Variants in DSG2 observed in about 807,000 individuals in gnomAD.
DSG2 encodes the protein desmoglein-2.
DSG2 carries 45 observed loss-of-function variants against 75.6 expected under a neutral mutation model. That is an observed-to-expected ratio of 0.60 (90% CI 0.47 to 0.76). DSG2 has a LOEUF of 0.76. Ranked by LOEUF, DSG2 falls within the 30% of genes least tolerant of loss-of-function variation. The pLI is 0.00. For missense variants in DSG2, 1,267 were observed against 1,357.4 expected, an observed-to-expected ratio of 0.93 and a Z score of 1.05; for synonymous variants, 429 against 483.9, an observed-to-expected ratio of 0.89 and a Z score of 1.49.
In DSG2 at chr18:31,546,487, C is replaced by G; in HGVS notation, c.3101C>G (p.Ala1034Gly). Residue 1034 changes from alanine (A) to glycine (G), a missense_variant, in exon 15 of 15, where the codon GCC (alanine) becomes GGC (glycine). Physicochemically the swap from Ala to Gly is moderately conservative, Grantham distance 60. Transcript: ENST00000261590. ...AGCTCAGGTGTGCAGCCTACTCTGG[C>G]CATGCCTAATATAGCAGTAGGACAG... ...APSSGVQPTL[A>G]MPNIAVGQNV... 2 of 1,614,112 alleles carry G rather than the reference C, an allele frequency of 1.2e-6. No individual in the cohort carries two copies. Among genetic ancestry groups the G allele is most frequent in the Non-Finnish European group, 1.7e-6 (2 of 1,180,000 alleles).
chr18:31,535,483 T>C (rs997841901), intron 10 of DSG2, 71 bp downstream of exon 10: 30 of 1,357,104 alleles, frequency 2.2e-5, no homozygotes, highest in Non-Finnish European at 3.1e-5. Flanking sequence ...TCAGAAACCA[T>C]TGATTTGATT....
intron 13 of DSG2, chr18:31,542,138 T>A (rs887681980): frequency 3.3e-6 from 1 of 306,878 alleles, no homozygotes; most frequent in Non-Finnish European, 6.2e-6. Context: ...CCTAGTGGCA[T>A]CAGAGGCTTA....
rs2073135114 is a variant in DSG2 at position 31,522,543 on chromosome 18, G to A, written c.690+294G>A. 5 of 233,966 alleles carry A rather than the reference G, an allele frequency of 2.1e-5. No individual in the cohort carries two copies. The South Asian group carries it at 4.2e-4, about 19-fold the overall frequency. The allele number at this position is 233,966 out of a possible 1,614,324, so 14.5% of individuals were successfully genotyped here. On this transcript the variant is annotated intron_variant, in intron 6 of 14. Transcript: ENST00000261590. The stretch of plus-strand genomic sequence containing the variant: ...GCAAAATATGACCTTAATGTTTTTT[G>A]TGATCATTGCATGTTAAAATAATAT...
chr18:31,515,166 G>A (rs1054555827), intron 1 of DSG2, among the ~76,000 whole-genome samples: 4 of 152,028 alleles, frequency 2.6e-5, no homozygotes, highest in South Asian at 2.1e-4. Context: ...GCAGTGGCGC[G>A]ATCTCGGCCG....
chr18:31,501,376 G>A (rs559186596), intron 1 of DSG2, among the ~76,000 whole-genome samples: 1 of 152,290 alleles, frequency 6.6e-6, no homozygotes, highest in African/African-American at 2.4e-5. Flanking sequence ...CACACTGTGA[G>A]CAGATATATT....
At chr18:31,535,188 G>A in intron 9 of DSG2, 82 bp from the exon 10 acceptor site, 1 of 975,908 alleles carries the variant, frequency 1.0e-6, no homozygotes, top group Non-Finnish European at 1.6e-6. Flanking sequence ...GAGAAGAAAA[G>A]TAAGCTTGAA....
intron 1 of DSG2, among the ~76,000 whole-genome samples, chr18:31,509,576 G>A (rs527864896): frequency 1.3e-5 from 2 of 152,220 alleles, no homozygotes; most frequent in South Asian, 4.2e-4. Context: ...AGTTATGCTG[G>A]TTAGCCGTAA....
intron 13 of DSG2, 177 bp from the exon 14 acceptor site, chr18:31,542,343 G>T (rs2073273377): frequency 1.5e-6 from 1 of 680,474 alleles, no homozygotes; most frequent in Non-Finnish European, 2.6e-6. Flanking sequence ...GAAGAGAGAA[G>T]AAAGGAGATC....
At chr18:31,505,845 A>G (rs1488313314) in intron 1 of DSG2, among the ~76,000 whole-genome samples, 1 of 151,972 alleles carries the variant, frequency 6.6e-6, no homozygotes, top group Non-Finnish European at 1.5e-5. Flanking sequence ...TATTTTTAGT[A>G]GAGACAGAGT....
chr18:31,507,758 C>G (rs567129477), intron 1 of DSG2, among the ~76,000 whole-genome samples: 1 of 152,156 alleles, frequency 6.6e-6, no homozygotes, highest in Non-Finnish European at 1.5e-5. Context: ...CCTTCACCCA[C>G]CTTTTGATAG....
At chr18:31,528,078 G>A (rs947163373) in intron 8 of DSG2, among the ~76,000 whole-genome samples, 2 of 152,118 alleles carry the variant, frequency 1.3e-5, no homozygotes, top group African/African-American at 4.8e-5. Context: ...CCAATTATTG[G>A]CAAAAATATA....
At chr18:31,537,232 G>A (rs930937553) in intron 11 of DSG2, among the ~76,000 whole-genome samples, 2 of 151,998 alleles carry the variant, frequency 1.3e-5, no homozygotes, top group African/African-American at 4.8e-5. Context: ...ATAATGTTTA[G>A]TCCAATTAAC....
rs1425119878 is a variant in DSG2 at position 31,546,752 on chromosome 18, C to T, written c.*9C>T. 8.1e-6 allele frequency: 13 copies of T among 1,613,004 alleles called. No homozygotes were observed. In the East Asian group the frequency reaches 1.1e-4, roughly 14 times the overall value. On this transcript the variant is annotated 3_prime_UTR_variant, in exon 15 of 15. Transcript: ENST00000261590. ...AGCATTCTTACTCCTAAACAGCAGTCAGCCACAAACTGACCCAGAGTTTAA... is the reference window on the plus strand; with the variant it reads ...AGCATTCTTACTCCTAAACAGCAGTTAGCCACAAACTGACCCAGAGTTTAA...
chr18:31,518,632 A>G (rs1304045452), intron 2 of DSG2, among the ~76,000 whole-genome samples: 1 of 152,224 alleles, frequency 6.6e-6, no homozygotes, highest in African/African-American at 2.4e-5. Flanking sequence ...ATGAAAAATC[A>G]TAAAAGATAT....
rs755433039 is a variant in DSG2 at position 31,520,889 on chromosome 18, A to G, written c.303A>G (p.Ile101Met). ...GKGITEPPFG[I>M]FVFNKDTGEL... ...GGATTACAGAGCCACCTTTTGGTAT[A>G]TTTGTCTTTAACAAAGATACTGGAG... Residue 101 changes from isoleucine (I) to methionine (M), a missense_variant, in exon 4 of 15, where the codon ATA becomes ATG. Coordinates refer to ENST00000261590, the MANE Select transcript of DSG2 (RefSeq NM_001943.5). The G allele has an allele frequency of 6.8e-6, 11 of 1,613,862 alleles. No individual in the cohort carries two copies. The East Asian group carries it at 2.0e-4, about 29-fold the overall frequency.
Position 31,522,124 on chromosome 18 carries a change from C to A in DSG2, c.565C>A (p.Pro189Thr), listed in dbSNP as rs1372463825. 1.9e-6 allele frequency: 3 copies of A among 1,613,718 alleles called. No homozygotes were observed. The highest frequency in any genetic ancestry group is 2.5e-6 in the Non-Finnish European group (3 of 1,179,820). Residue 189 changes from proline to threonine, a missense_variant, in exon 6 of 15, where the codon CCC becomes ACC. Coordinates refer to ENST00000261590, the MANE Select transcript of DSG2 (RefSeq NM_001943.5). ...MKINATDADE[P>T]NTLNSKISYR... Reference sequence around the variant, plus strand: ...AATCAATGCAACAGATGCAGATGAGCCCAATACCCTGAATTCGAAAATTTC... The same window carrying A: ...AATCAATGCAACAGATGCAGATGAGACCAATACCCTGAATTCGAAAATTTC...
intron 1 of DSG2, among the ~76,000 whole-genome samples, chr18:31,502,150 G>C (rs1407182188): frequency 1.3e-5 from 2 of 152,248 alleles, no homozygotes; most frequent in African/African-American, 4.8e-5. Context: ...AAAGAGATAT[G>C]AGCATTCATT....
chr18:31,499,711 C>A (rs539139093), intron 1 of DSG2, among the ~76,000 whole-genome samples: 2 of 152,232 alleles, frequency 1.3e-5, no homozygotes, highest in African/African-American at 2.4e-5. Flanking sequence ...GTTACATATT[C>A]TTTCCATATA....
chr18:31,547,053 C>G lies in DSG2; in HGVS notation c.*310C>G. The G allele has an allele frequency of 2.3e-6, 1 of 427,792 alleles. No homozygotes were observed. The allele number at this position is 427,792 out of a possible 1,614,324, so 26.5% of individuals were successfully genotyped here. On this transcript the variant is annotated 3_prime_UTR_variant, in exon 15 of 15. Coordinates refer to ENST00000261590, the MANE Select transcript of DSG2 (RefSeq NM_001943.5). ...GTCAATCTGGCTTCTGAGAATTTAC[C>G]AAGTGAACAGAGTACCTAGTTCATC...
Sources: allele counts gnomAD v4.1 joint callset (sites outside exome capture counted in the v4.1 genomes callset), GRCh38; gene constraint gnomAD v4.1.1; transcripts MANE v1.5; gene names NCBI Gene and HGNC (gene_info 2026-07-23, HGNC 2026-07-21).